FCHSD2: variants seen among roughly 807,000 people sequenced by gnomAD.
FCHSD2 encodes the protein FCH and double SH3 domains 2.
A neutral mutation model predicts 108.1 loss-of-function variants in FCHSD2; 38 were observed. The ratio of observed to expected loss-of-function variants is 0.35; its 90% CI spans 0.27 to 0.46. FCHSD2 has a LOEUF of 0.46. FCHSD2 is among the 20% of genes least tolerant of loss of function. The pLI, the probability that FCHSD2 is intolerant of heterozygous loss-of-function variation, is 1.00. For synonymous variants in FCHSD2, 279 were observed against 314.7 expected (o/e 0.89, Z 1.20); for missense variants, 751 against 897.8 (o/e 0.84, Z 2.09).
At chr11:72,968,453 T>C (rs1416605468) in intron 8 of FCHSD2, among the ~76,000 whole-genome samples, 5 of 152,228 alleles carry the variant, frequency 3.3e-5, no homozygotes, top group Admixed American at 6.5e-5. Context: ...TGATGTCTCA[T>C]TGAAAGATAA....
At chr11:73,086,990 G>T (rs1342032537) in intron 2 of FCHSD2, among the ~76,000 whole-genome samples, 1 of 152,276 alleles carries the variant, frequency 6.6e-6, no homozygotes. Flanking sequence ...AATTATATGA[G>T]GTCCTACAGC....
intron 8 of FCHSD2, among the ~76,000 whole-genome samples, chr11:72,949,477 G>A (rs538637090): frequency 1.3e-5 from 2 of 151,104 alleles, no homozygotes. Context: ...AGAAAAGAAA[G>A]GAAAGAAAAA....
chr11:72,976,953 T>A (rs1161054666), intron 8 of FCHSD2, among the ~76,000 whole-genome samples: 1 of 150,056 alleles, frequency 6.7e-6, no homozygotes, highest in African/African-American at 2.5e-5. Context: ...TGAGACAGAG[T>A]CTTGCTCTGT....
chr11:72,993,612 C>T (rs537810098), intron 5 of FCHSD2, among the ~76,000 whole-genome samples: 18 of 152,216 alleles, frequency 1.2e-4, no homozygotes, highest in Admixed American at 1.2e-3. Context: ...TTTGTAGGGA[C>T]ATGGATGAAG....
At chr11:72,923,460 T>C (rs554967991) in intron 8 of FCHSD2, among the ~76,000 whole-genome samples, 1 of 152,334 alleles carries the variant, frequency 6.6e-6, no homozygotes, top group African/African-American at 2.4e-5. Flanking sequence ...CCAACACTTA[T>C]TCTTTTGTAT....
rs754792612 is a variant in FCHSD2, at chr11:72,940,510, C to T, written c.706-18560G>A. The T allele has an allele frequency of 8.5e-6, 7 of 827,556 alleles. No homozygotes were observed. The East Asian group carries it at 1.4e-4, about 17-fold the overall frequency. 51.3% of individuals were successfully genotyped at this position (827,556 alleles called of 1,614,324 possible). A position where few individuals can be genotyped will look rare whatever the true frequency, so the allele number is the denominator to read the frequency against. On this transcript the variant is annotated intron_variant, in intron 8 of 19. Transcript: ENST00000409418. The stretch of plus-strand genomic sequence containing the variant: ...CAGGTAAGCCAAGATGGGTGCATAC[C>T]CGCACATCCAGGAGCTATGGAGAAA...
At chr11:73,099,882 C>T (rs545276787) in intron 2 of FCHSD2, among the ~76,000 whole-genome samples, 3 of 152,342 alleles carry the variant, frequency 2.0e-5, no homozygotes, top group Non-Finnish European at 2.9e-5. Context: ...TCGGTCACTC[C>T]GAGGGGACTT....
chr11:72,980,409 A>C (rs1857190158), intron 8 of FCHSD2, among the ~76,000 whole-genome samples: 1 of 152,128 alleles, frequency 6.6e-6, no homozygotes, highest in African/African-American at 2.4e-5. Context: ...GGCTCATCAG[A>C]GTTACAATTT....
At chr11:73,024,738 G>A (rs905287015) in intron 3 of FCHSD2, among the ~76,000 whole-genome samples, 2 of 151,776 alleles carry the variant, frequency 1.3e-5, no homozygotes, top group East Asian at 1.9e-4. Flanking sequence ...TGCAAACTAC[G>A]CATCCCACAA....
At chr11:73,105,973 G>A (rs955982543) in intron 2 of FCHSD2, among the ~76,000 whole-genome samples, 7 of 152,160 alleles carry the variant, frequency 4.6e-5, no homozygotes, top group African/African-American at 1.7e-4. Flanking sequence ...TCACAGGTCT[G>A]TATACAAGCT....
In FCHSD2 at chr11:72,954,196, A is replaced by AATTTTTTTTTTTTTTTTTTTTTTT. The variant is rs1565339614; in HGVS notation, c.705+29891_705+29892insAAAAAAAAAAAAAAAAAAAAAAAT. ...TAGAATATTAGCAGTAGATGTGGGG[A>AATTTTTTTTTTTTTTTTTTTTTTT]TTTTTTTTTTTTTTTTTTTTTTTTT... On this transcript the variant is annotated intron_variant, in intron 8 of 19. Coordinates refer to ENST00000409418, the MANE Select transcript of FCHSD2 (RefSeq NM_014824.3). Among the ~76,000 whole-genome samples the AATTTTTTTTTTTTTTTTTTTTTTT allele has an allele frequency of 1.8e-5, 2 of 111,702 alleles. 1 individual carries two copies. The allele number at this position is 111,702 out of a possible 152,430, so 73.3% of individuals were successfully genotyped here. A position where few individuals can be genotyped will look rare whatever the true frequency, so the allele number is the denominator to read the frequency against.
At chr11:73,075,247 A>G (rs188211141) in intron 3 of FCHSD2, among the ~76,000 whole-genome samples, 10 of 152,352 alleles carry the variant, frequency 6.6e-5, no homozygotes, top group East Asian at 1.9e-4. Context: ...CCATTTCATG[A>G]TATTTCCTAA....
chr11:72,913,886 A>G (rs1001963372), intron 9 of FCHSD2, among the ~76,000 whole-genome samples: 9 of 151,940 alleles, frequency 5.9e-5, no homozygotes, highest in Admixed American at 2.6e-4. Context: ...AAGGACCTCT[A>G]AAAGGAGAAC....
At chr11:72,956,994 T>A (rs1856723735) in intron 8 of FCHSD2, among the ~76,000 whole-genome samples, 1 of 150,490 alleles carries the variant, frequency 6.6e-6, no homozygotes, top group Admixed American at 6.6e-5. Flanking sequence ...CTGACAGACA[T>A]CCAACAGAAT....
intron 10 of FCHSD2, among the ~76,000 whole-genome samples, chr11:72,896,764 TAAAAAAAAA>T (rs58159831): frequency 1.5e-5 from 1 of 68,388 alleles, no homozygotes; most frequent in Non-Finnish European, 2.7e-5. Flanking sequence ...GGGAAAATAC[TAAAAAAAAA>T]AAAAAAAAAA....
At chr11:72,840,145 C>T (rs951840674) in intron 19 of FCHSD2, among the ~76,000 whole-genome samples, 2 of 152,176 alleles carry the variant, frequency 1.3e-5, no homozygotes, top group Non-Finnish European at 2.9e-5. Flanking sequence ...CGCCTCTTAG[C>T]TGCCATAGCG....
intron 3 of FCHSD2, among the ~76,000 whole-genome samples, chr11:73,046,457 T>A (rs904166572): frequency 6.6e-6 from 1 of 152,208 alleles, no homozygotes; most frequent in African/African-American, 2.4e-5. Context: ...AAATTAGATA[T>A]CATTTTTGGC....
chr11:72,943,360 G>C lies in FCHSD2; in HGVS notation c.706-21410C>G, dbSNP rs532254077. ...CTTCAACCTACTTAATTCAACTATA[G>C]TTAGGATTAACTGAGGACTACTGAA... On this transcript the variant is annotated intron_variant, in intron 8 of 19. Coordinates refer to ENST00000409418, the MANE Select transcript of FCHSD2 (RefSeq NM_014824.3). Among the ~76,000 whole-genome samples the C allele has an allele frequency of 2.6e-5, 4 of 152,258 alleles. No individual in the cohort carries two copies. In the South Asian group the frequency reaches 6.2e-4, roughly 24 times the overall value.
intron 8 of FCHSD2, among the ~76,000 whole-genome samples, chr11:72,953,169 A>G (rs1240006152): frequency 1.3e-5 from 2 of 152,252 alleles, no homozygotes; most frequent in African/African-American, 4.8e-5. Flanking sequence ...AAGAAAAGGT[A>G]TAGTTAGAGA....
Sources: allele counts gnomAD v4.1 joint callset (sites outside exome capture counted in the v4.1 genomes callset), GRCh38; gene constraint gnomAD v4.1.1; transcripts MANE v1.5; gene names NCBI Gene and HGNC (gene_info 2026-07-23, HGNC 2026-07-21).